Variants in SOX30 observed in about 807,000 individuals in gnomAD.
The protein encoded by SOX30 is transcription factor SOX-30.
SOX30 carries 17 observed loss-of-function variants against 58.6 expected under a neutral mutation model. The ratio of observed to expected loss-of-function variants is 0.29; its 90% CI spans 0.20 to 0.44. The LOEUF is 0.44. Ranked by LOEUF, SOX30 falls within the 20% of genes least tolerant of loss-of-function variation. The probability of loss-of-function intolerance (pLI) is 1.00; values close to 1 mark genes in which losing one functional copy is unlikely to be tolerated. For missense variants in SOX30, 951 were observed against 965.8 expected (o/e 0.98, Z 0.20); for synonymous variants, 421 against 400.2 (o/e 1.05, Z -0.62).
chr5:157,652,513 G>A (rs1759386754), upstream of SOX30: 2 of 403,444 alleles, frequency 5.0e-6, no homozygotes, highest in African/African-American at 4.3e-5. Flanking sequence ...CAAGGGGAGC[G>A]ACGGCCTTGT....
rs149155431 is a variant in SOX30 at position 157,638,400 on chromosome 5, G to A, written c.1710C>T (p.Ser570=). 9.0e-5 allele frequency: 145 copies of A among 1,613,884 alleles called. No individual in the cohort carries two copies. In the African/African-American group the frequency reaches 1.6e-3, roughly 17 times the overall value. ...STIQPPREYS[S]VSPCPRSAPI... is the part of the protein sequence containing the mutation. ...GAGCACTTCTGGGACAAGGGGAAAC[G>A]CTGGAATACTCCCTAGGAGGTTGGA... Residue 570 remains serine (S), a synonymous_variant, in exon 4 of 5, where the codon AGC becomes AGT. Coordinates refer to ENST00000265007, the MANE Select transcript of SOX30 (RefSeq NM_178424.2).
intron 1 of SOX30, among the ~76,000 whole-genome samples, chr5:157,649,292 G>A (rs537562804): frequency 6.6e-6 from 1 of 152,142 alleles, no homozygotes; most frequent in Non-Finnish European, 1.5e-5. Flanking sequence ...ACTTACTCGT[G>A]ACTATAATCT....
chr5:157,627,440 G>C (rs1410954934), intron 4 of SOX30, among the ~76,000 whole-genome samples: 2 of 152,160 alleles, frequency 1.3e-5, no homozygotes, highest in African/African-American at 4.8e-5. Flanking sequence ...GTTGTTTTTA[G>C]TGGTATTTGA....
chr5:157,647,036 T>A, intron 2 of SOX30, among the ~76,000 whole-genome samples: 1 of 151,800 alleles, frequency 6.6e-6, no homozygotes, highest in Non-Finnish European at 1.5e-5. Context: ...ATGTTATAAC[T>A]CATCATTGAA....
At chr5:157,629,150 A>G (rs1758730007) in intron 4 of SOX30, among the ~76,000 whole-genome samples, 1 of 152,212 alleles carries the variant, frequency 6.6e-6, no homozygotes, top group Admixed American at 6.5e-5. Flanking sequence ...TAGCTATAAG[A>G]GAGGACTAAA....
intron 2 of SOX30, 132 bp downstream of exon 2, chr5:157,648,525 T>A: frequency 1.3e-6 from 1 of 774,820 alleles, no homozygotes; most frequent in Non-Finnish European, 2.0e-6. Context: ...GTTATAATAT[T>A]AGTCATTATT....
chr5:157,662,062 T>G (rs1253323393), intron 2 of SOX30, among the ~76,000 whole-genome samples: 1 of 152,234 alleles, frequency 6.6e-6, no homozygotes, highest in African/African-American at 2.4e-5. Flanking sequence ...AATTGTATAA[T>G]TTCTTTTTGA....
At chr5:157,636,029 CT>C (rs1758917998) in intron 4 of SOX30, among the ~76,000 whole-genome samples, 1 of 152,096 alleles carries the variant, frequency 6.6e-6, no homozygotes, top group Non-Finnish European at 1.5e-5. Context: ...ATTTATTTAA[CT>C]GAAAAAGTAG....
At chr5:157,669,842 A>G (rs958708583) in intron 1 of SOX30, among the ~76,000 whole-genome samples, 6 of 152,132 alleles carry the variant, frequency 3.9e-5, no homozygotes, top group African/African-American at 1.4e-4. Context: ...GTAGAATTCC[A>G]GGAACAGGCT....
chr5:157,653,468 A>G (rs1178420695), upstream of SOX30, among the ~76,000 whole-genome samples: 4 of 152,198 alleles, frequency 2.6e-5, no homozygotes. Context: ...GAATAAATAA[A>G]TGAATAGCGA....
In SOX30 at chr5:157,651,725, G is replaced by A. The variant is rs577314769; in HGVS notation, c.354C>T (p.Gly118=). The change falls in exon 1 of 5, where the codon GGC becomes GGT. Residue 118 remains glycine, a synonymous_variant. Coordinates refer to ENST00000265007, the MANE Select transcript of SOX30 (RefSeq NM_178424.2). ...GGTGCAACTCGGGCCTGGAGGTGGC[G>A]CCGTCTGACGCTGTCGGCGGCTGCA... ...RLLQPPTASD[G]ATSRPELHPV... The A allele has an allele frequency of 3.4e-5, 53 of 1,569,658 alleles. No individual in the cohort carries two copies. The highest frequency in any genetic ancestry group is 1.8e-4 in the African/African-American group (13 of 73,932).
chr5:157,662,930 A>G (rs1189368552), intron 2 of SOX30, among the ~76,000 whole-genome samples: 3 of 152,228 alleles, frequency 2.0e-5, no homozygotes, highest in African/African-American at 4.8e-5. Flanking sequence ...ATCCCTGAAT[A>G]GACCAATAAC....
At chr5:157,636,245 A>C (rs1357120781) in intron 4 of SOX30, among the ~76,000 whole-genome samples, 3 of 152,200 alleles carry the variant, frequency 2.0e-5, no homozygotes, top group Admixed American at 6.5e-5. Context: ...CATATTACAA[A>C]ATTAATTATG....
rs1363983446 is a variant in SOX30, at chr5:157,626,627, G to A, written c.1975C>T (p.His659Tyr). The change falls in exon 5 of 5, where the codon CAT becomes TAT. Residue 659 changes from histidine to tyrosine, a missense_variant. His to Tyr is a moderately conservative substitution (Grantham distance 83). Around this residue, in one of 7 missense-constraint regions of SOX30, gnomAD observed 381 missense variants for 390.0 expected, o/e 0.98. Transcript: ENST00000265007. The stretch of plus-strand genomic sequence containing the variant: ...TTTAAAGTTGAAAAGATACCCTCAT[G>A]TTTTGGGTACCTGTCTTCATAATAA... ...LSYYEDRYPK[H>Y]EGIFSTLNRD... The A allele has an allele frequency of 6.2e-7, 1 of 1,614,048 alleles. No homozygotes were observed. Among genetic ancestry groups the A allele is most frequent in the Non-Finnish European group, 8.5e-7 (1 of 1,179,910 alleles).
rs570172679 is a variant in SOX30, at chr5:157,632,047, T to TAAAAAAAAAAAAAAAAAA, written c.1881-5344_1881-5327dup. On this transcript the variant is annotated intron_variant, in intron 4 of 4. Coordinates refer to ENST00000265007, the MANE Select transcript of SOX30 (RefSeq NM_178424.2). Reference sequence around the variant, plus strand: ...GACACAGCAAGACCCACCCCGTAACTAAAAAAAAAAAAAAAAAAAAAAAAA... The same window carrying TAAAAAAAAAAAAAAAAAA: ...GACACAGCAAGACCCACCCCGTAACTAAAAAAAAAAAAAAAAAAAAAAAAAAAAAAAAAAAAAAAAAAA... Among the ~76,000 whole-genome samples, 118 of 56,404 alleles carry TAAAAAAAAAAAAAAAAAA rather than the reference T, an allele frequency of 2.1e-3. 11 individuals carry two copies. The highest frequency in any genetic ancestry group is 6.8e-3 in the African/African-American group (87 of 12,774). The allele number at this position is 56,404 out of a possible 152,430, so 37.0% of individuals were successfully genotyped here. A position where few individuals can be genotyped will look rare whatever the true frequency, so the allele number is the denominator to read the frequency against.
At chr5:157,645,837 A>G (rs992845495) in intron 3 of SOX30, among the ~76,000 whole-genome samples, 2 of 152,130 alleles carry the variant, frequency 1.3e-5, no homozygotes, top group Non-Finnish European at 2.9e-5. Context: ...CCTGACCAAC[A>G]TGGAGAAACC....
chr5:157,651,639 T>A lies in SOX30; in HGVS notation c.440A>T (p.Asp147Val), dbSNP rs368133770. ...GGCCCCTCGAGGCCCCACTGACTGATCCAGGCTGGGCCCCAGCTTCTGCTT... is the reference window on the plus strand; with the variant it reads ...GGCCCCTCGAGGCCCCACTGACTGAACCAGGCTGGGCCCCAGCTTCTGCTT... ...AKKQKLGPSL[D>V]QSVGPRGAVE... Residue 147 changes from aspartate to valine, a missense_variant, in exon 1 of 5, where the codon GAT becomes GTT. Asp to Val is a radical substitution (Grantham distance 152). Transcript: ENST00000265007. 1.2e-6 allele frequency: 2 copies of A among 1,612,356 alleles called. No individual in the cohort carries two copies. Among genetic ancestry groups the A allele is most frequent in the Non-Finnish European group, 1.7e-6 (2 of 1,179,786 alleles).
At chr5:157,632,608 C>G (rs1357973027) in intron 4 of SOX30, among the ~76,000 whole-genome samples, 3 of 152,032 alleles carry the variant, frequency 2.0e-5, no homozygotes, top group Non-Finnish European at 4.4e-5. Context: ...GAAACTCCAT[C>G]TCAAAAAGAA....
chr5:157,660,810 T>G (rs528761231), intron 2 of SOX30, among the ~76,000 whole-genome samples: 83 of 152,320 alleles, frequency 5.4e-4, no homozygotes, highest in African/African-American at 1.8e-3. Context: ...AAGATAAATT[T>G]TAGGTTCATC....
Sources: allele counts gnomAD v4.1 joint callset (sites outside exome capture counted in the v4.1 genomes callset), GRCh38; gene constraint gnomAD v4.1.1; regional missense constraint gnomAD v4.1.1; transcripts MANE v1.5; gene names NCBI Gene and HGNC (gene_info 2026-07-23, HGNC 2026-07-21).